Variants in GRM7 observed in about 807,000 individuals in gnomAD.
The protein encoded by GRM7 is metabotropic glutamate receptor 7.
GRM7 carries 35 observed loss-of-function variants against 84.5 expected under a neutral mutation model. That is an observed-to-expected ratio of 0.41 (90% CI 0.32 to 0.55). The LOEUF (loss-of-function observed/expected upper bound fraction) is 0.55, where lower values mean the gene tolerates loss of function less well. GRM7 is among the 20% of genes least tolerant of loss of function. The probability of loss-of-function intolerance (pLI) is 0.19; values close to 1 mark genes in which losing one functional copy is unlikely to be tolerated. For missense variants in GRM7, 1,003 were observed against 1,194.6 expected, an observed-to-expected ratio of 0.84 and a Z score of 2.36; for synonymous variants, 487 against 455.1, an observed-to-expected ratio of 1.07 and a Z score of -0.89.
At chr3:7,059,003 G>T in intron 1 of GRM7, among the ~76,000 whole-genome samples, 1 of 151,996 alleles carries the variant, frequency 6.6e-6, no homozygotes, top group African/African-American at 2.4e-5. Context: ...AACTGTGGGA[G>T]CTAAGAACAT....
At chr3:7,602,201 T>G (rs1696350998) in intron 8 of GRM7, among the ~76,000 whole-genome samples, 1 of 151,732 alleles carries the variant, frequency 6.6e-6, no homozygotes, top group Non-Finnish European at 1.5e-5. Flanking sequence ...CTGGCTTTGG[T>G]GCCCTTGGAA....
chr3:7,025,095 A>G (rs558861985), intron 1 of GRM7, among the ~76,000 whole-genome samples: 62 of 152,262 alleles, frequency 4.1e-4, no homozygotes, highest in African/African-American at 1.5e-3. Flanking sequence ...AAAACCAGCA[A>G]TGGATGGTTC....
chr3:7,323,150 T>G (rs574036497), intron 4 of GRM7, among the ~76,000 whole-genome samples: 12 of 152,248 alleles, frequency 7.9e-5, no homozygotes, highest in African/African-American at 1.4e-4. Flanking sequence ...GAGTCAGTCA[T>G]TCATTAGCCA....
At chr3:7,452,568 G>T (rs1392296620) in intron 5 of GRM7, 39 bp from the exon 6 acceptor site, 1 of 1,093,164 alleles carries the variant, frequency 9.1e-7, no homozygotes, top group Non-Finnish European at 1.4e-6. Context: ...TTGTGTGTGT[G>T]TGTGTGTGTG....
intron 1 of GRM7, among the ~76,000 whole-genome samples, chr3:7,106,800 C>T (rs948884410): frequency 1.3e-4 from 19 of 151,954 alleles, no homozygotes; most frequent in African/African-American, 2.2e-4. Context: ...ATGCATATTG[C>T]GTTTTCTATT....
rs115676737 is a variant in GRM7, at chr3:7,568,312, T to C, written c.1516-10110T>C. ...ATAAAGACATACCTGCACTGGGCAA[T>C]TTACAGAAGAAAGAGCTTTATTGGA... On this transcript the variant is annotated intron_variant, in intron 7 of 9. Coordinates refer to ENST00000357716, the MANE Select transcript of GRM7 (RefSeq NM_000844.4). Among the ~76,000 whole-genome samples, 1,219 of 152,252 alleles carry C rather than the reference T, an allele frequency of 8.0e-3. 18 individuals carry two copies. Among genetic ancestry groups the C allele is most frequent in the African/African-American group, 0.027 (1,106 of 41,556 alleles).
At chr3:7,438,540 C>T (rs1412443925) in intron 5 of GRM7, among the ~76,000 whole-genome samples, 3 of 151,948 alleles carry the variant, frequency 2.0e-5, no homozygotes, top group Admixed American at 2.0e-4. Flanking sequence ...CAGTGCAGTA[C>T]CTCTGGGCAA....
chr3:7,170,155 C>G (rs1400164), intron 2 of GRM7, among the ~76,000 whole-genome samples: 3,482 of 152,260 alleles, frequency 0.023, 123 homozygotes, highest in African/African-American at 0.078. Context: ...GAAGCATGTT[C>G]TCTCCATCTG....
chr3:7,575,726 A>G (rs1444629386), intron 7 of GRM7, among the ~76,000 whole-genome samples: 1 of 152,208 alleles, frequency 6.6e-6, no homozygotes, highest in Non-Finnish European at 1.5e-5. Flanking sequence ...GAGCAGGAGG[A>G]ATCTTTGTTG....
At chr3:7,653,169 C>T (rs1377861353) in intron 8 of GRM7, among the ~76,000 whole-genome samples, 1 of 136,036 alleles carries the variant, frequency 7.4e-6, no homozygotes, top group Non-Finnish European at 1.6e-5. Flanking sequence ...TCCATTGTAA[C>T]ATACTATATC....
intron 2 of GRM7, among the ~76,000 whole-genome samples, chr3:7,199,448 C>T (rs574777586): frequency 3.3e-5 from 5 of 152,310 alleles, no homozygotes; most frequent in East Asian, 3.9e-4. Context: ...AAAAAAATTC[C>T]GTAAGGTTGT....
At chr3:7,414,527 G>T in intron 4 of GRM7, among the ~76,000 whole-genome samples, 1 of 152,148 alleles carries the variant, frequency 6.6e-6, no homozygotes, top group South Asian at 2.1e-4. Context: ...AGTTCCTGGC[G>T]TCCTCGTCCC....
intron 1 of GRM7, among the ~76,000 whole-genome samples, chr3:7,074,566 A>AT (rs141981785): frequency 0.31 from 46,590 of 151,948 alleles, 7,590 homozygotes; most frequent in African/African-American, 0.41. Context: ...ATTTGATAGT[A>AT]TTTTTTTCTG....
intron 8 of GRM7, among the ~76,000 whole-genome samples, chr3:7,650,911 A>T (rs1018487854): frequency 6.6e-6 from 1 of 152,184 alleles, no homozygotes; most frequent in South Asian, 2.1e-4. Flanking sequence ...AAAGAGTCAG[A>T]GGGTTCTTAA....
chr3:7,394,083 G>A (rs1256139753), intron 4 of GRM7, among the ~76,000 whole-genome samples: 1 of 152,020 alleles, frequency 6.6e-6, no homozygotes. Context: ...ATAAACCTCA[G>A]CTTAGAAAAT....
intron 4 of GRM7, among the ~76,000 whole-genome samples, chr3:7,307,441 C>T (rs1456089757): frequency 2.6e-5 from 4 of 152,168 alleles, no homozygotes; most frequent in Admixed American, 1.3e-4. Flanking sequence ...ACATGCTTTG[C>T]GCATTAAAAA....
intron 4 of GRM7, among the ~76,000 whole-genome samples, chr3:7,311,729 G>A (rs936825227): frequency 1.3e-4 from 19 of 151,932 alleles, no homozygotes; most frequent in Non-Finnish European, 2.8e-4. Flanking sequence ...TGAGTAGCTG[G>A]GACTGCAGGC....
chr3:7,534,502 T>G (rs1459146346), intron 7 of GRM7, among the ~76,000 whole-genome samples: 1 of 152,196 alleles, frequency 6.6e-6, no homozygotes, highest in Non-Finnish European at 1.5e-5. Flanking sequence ...CTTGTGTTTT[T>G]AACCACTATG....
At chr3:6,877,809 TCACACACACACACACACACA>T (rs3220585) in intron 1 of GRM7, among the ~76,000 whole-genome samples, 1 of 145,540 alleles carries the variant, frequency 6.9e-6, no homozygotes. Flanking sequence ...TACACAGATA[TCACACACACACACACACACA>T]CACACACACA....
Sources: allele counts gnomAD v4.1 joint callset (sites outside exome capture counted in the v4.1 genomes callset), GRCh38; gene constraint gnomAD v4.1.1; transcripts MANE v1.5; gene names NCBI Gene and HGNC (gene_info 2026-07-23, HGNC 2026-07-21).